Variants in DNM3 observed in about 807,000 individuals in gnomAD.
DNM3 encodes dynamin 3.
DNM3 carries 47 observed loss-of-function variants against 101.6 expected under a neutral mutation model. The ratio of observed to expected loss-of-function variants is 0.46; its 90% CI spans 0.37 to 0.59. The LOEUF (loss-of-function observed/expected upper bound fraction) is 0.59, where lower values mean the gene tolerates loss of function less well. DNM3 is among the 20% of genes least tolerant of loss of function. The pLI, the probability that DNM3 is intolerant of heterozygous loss-of-function variation, is 0.00. For missense variants in DNM3, 849 were observed against 1,085.7 expected, an observed-to-expected ratio of 0.78 and a Z score of 3.06; for synonymous variants, 385 against 387.9, an observed-to-expected ratio of 0.99 and a Z score of 0.09.
At chr1:171,971,968 T>G (rs1049961300) in intron 2 of DNM3, among the ~76,000 whole-genome samples, 1 of 152,196 alleles carries the variant, frequency 6.6e-6, no homozygotes, top group Non-Finnish European at 1.5e-5. Context: ...TGTTGGTTCA[T>G]ACTGAACGAG....
intron 17 of DNM3, among the ~76,000 whole-genome samples, chr1:172,362,496 C>A (rs1022856657): frequency 1.3e-5 from 2 of 151,638 alleles, no homozygotes; most frequent in South Asian, 4.2e-4. Context: ...GTGAATTTTT[C>A]GAGTATTTCT....
At chr1:172,283,438 G>A (rs1424673564) in intron 15 of DNM3, among the ~76,000 whole-genome samples, 1 of 151,990 alleles carries the variant, frequency 6.6e-6, no homozygotes, top group Non-Finnish European at 1.5e-5. Context: ...AGCCTTTTCA[G>A]TCATTCCTCA....
chr1:171,897,207 T>G (rs985429598), intron 1 of DNM3, among the ~76,000 whole-genome samples: 1 of 152,124 alleles, frequency 6.6e-6, no homozygotes, highest in African/African-American at 2.4e-5. Flanking sequence ...ATTTCACGAA[T>G]CAGTTTTAAA....
intron 7 of DNM3, among the ~76,000 whole-genome samples, chr1:172,040,939 G>C (rs982466134): frequency 6.6e-6 from 1 of 152,132 alleles, no homozygotes; most frequent in Non-Finnish European, 1.5e-5. Flanking sequence ...TGAGTGGTAA[G>C]AGATGGGGCT....
In DNM3 at chr1:172,081,884, A is replaced by G; in HGVS notation, c.1475A>G (p.Asp492Gly). 6.2e-7 allele frequency: 1 copy of G among 1,613,132 alleles called. No individual in the cohort carries two copies. Among genetic ancestry groups the G allele is most frequent in the African/African-American group, 1.3e-5 (1 of 75,028 alleles). The change falls in exon 12 of 21, where the codon GAC (aspartate) becomes GGC (glycine). Residue 492 changes from aspartate (D) to glycine (G), a missense_variant. By Grantham distance (94) the Asp-to-Gly change is moderately conservative (BLOSUM62 -1). Transcript: ENST00000627582. ...QVSYINTNHE[D>G]FIGFANAQQR... is the part of the protein sequence containing the mutation. ...TCTTACATCAACACCAACCATGAAG[A>G]CTTCATTGGCTTCGCAAAGTACGTG... is the stretch of plus-strand genomic sequence containing the variant.
At chr1:171,968,889 T>C (rs1398804361) in intron 2 of DNM3, among the ~76,000 whole-genome samples, 1 of 152,216 alleles carries the variant, frequency 6.6e-6, no homozygotes, top group Non-Finnish European at 1.5e-5. Context: ...TGCAAAATTA[T>C]GCTATTGTTG....
chr1:171,954,879 A>G (rs1181762336), intron 2 of DNM3, among the ~76,000 whole-genome samples: 2 of 152,240 alleles, frequency 1.3e-5, no homozygotes, highest in Non-Finnish European at 2.9e-5. Context: ...TGTTTTCAGC[A>G]GAGAATTAAT....
At chr1:172,257,727 A>C (rs113820972) in intron 15 of DNM3, among the ~76,000 whole-genome samples, 1 of 152,060 alleles carries the variant, frequency 6.6e-6, no homozygotes, top group Non-Finnish European at 1.5e-5. Flanking sequence ...CCAAGTCCTC[A>C]CTTCTAGCTA....
intron 2 of DNM3, among the ~76,000 whole-genome samples, chr1:171,931,102 G>T (rs939597131): frequency 6.6e-6 from 1 of 152,036 alleles, no homozygotes; most frequent in Non-Finnish European, 1.5e-5. Flanking sequence ...TTTAACAAAA[G>T]AAATGAAAAA....
At chr1:171,911,713 A>G (rs1396538931) in intron 1 of DNM3, among the ~76,000 whole-genome samples, 2 of 152,170 alleles carry the variant, frequency 1.3e-5, no homozygotes, top group African/African-American at 4.8e-5. Context: ...GACCAAGGAC[A>G]GTAATTGGGC....
chr1:171,887,276 A>G (rs1328480589), intron 1 of DNM3, among the ~76,000 whole-genome samples: 2 of 152,244 alleles, frequency 1.3e-5, no homozygotes, highest in East Asian at 1.9e-4. Context: ...GAAAGGTCCC[A>G]TGTCCAAGGC....
intron 15 of DNM3, among the ~76,000 whole-genome samples, chr1:172,280,921 ATAAAAGTGGCATT>A (rs1357408622): frequency 2.0e-5 from 3 of 152,198 alleles, no homozygotes; most frequent in Non-Finnish European, 4.4e-5. Context: ...AAAGGACTAG[ATAAAAGTGGCATT>A]CCACATCTGG....
intron 14 of DNM3, among the ~76,000 whole-genome samples, chr1:172,237,430 C>G (rs975349897): frequency 6.6e-6 from 1 of 152,134 alleles, no homozygotes; most frequent in African/African-American, 2.4e-5. Flanking sequence ...TTCTGCTGGT[C>G]TTACTGAGGG....
intron 2 of DNM3, among the ~76,000 whole-genome samples, chr1:171,945,583 G>A (rs879412821): frequency 3.3e-5 from 5 of 152,178 alleles, no homozygotes; most frequent in Admixed American, 1.3e-4. Flanking sequence ...GGGAAATGGA[G>A]GAAGTTGACC....
chr1:172,059,951 T>C (rs1206909795), intron 10 of DNM3, among the ~76,000 whole-genome samples: 7 of 145,032 alleles, frequency 4.8e-5, no homozygotes, highest in Non-Finnish European at 9.1e-5. Context: ...AAAACCCCAT[T>C]GTCTCAGCCC....
chr1:171,849,742 T>C (rs2124986764), intron 1 of DNM3, among the ~76,000 whole-genome samples: 1 of 152,324 alleles, frequency 6.6e-6, no homozygotes, highest in African/African-American at 2.4e-5. Context: ...GTTTTTATCA[T>C]TTCATTAATC....
chr1:171,875,032 G>C (rs560112479), intron 1 of DNM3, among the ~76,000 whole-genome samples: 2 of 152,066 alleles, frequency 1.3e-5, no homozygotes, highest in African/African-American at 4.8e-5. Flanking sequence ...GTATTCCATG[G>C]TGTGTAGCTA....
chr1:171,991,535 G>T (rs946803446), intron 4 of DNM3, among the ~76,000 whole-genome samples: 1 of 152,094 alleles, frequency 6.6e-6, no homozygotes, highest in Non-Finnish European at 1.5e-5. Flanking sequence ...TGTTCTCTCC[G>T]GGCACACCAT....
intron 14 of DNM3, among the ~76,000 whole-genome samples, chr1:172,248,410 C>T (rs1217920886): frequency 1.3e-5 from 2 of 151,994 alleles, no homozygotes; most frequent in Non-Finnish European, 2.9e-5. Context: ...CATGTAAACA[C>T]AAAAGAATGA....
Sources: gnomAD v4.1 joint callset for allele counts (sites outside exome capture counted in the v4.1 genomes callset) on GRCh38, gnomAD v4.1.1 for gene constraint, MANE v1.5 for transcripts, NCBI Gene and HGNC (gene_info 2026-07-23, HGNC 2026-07-21) for gene names.